The following SLC24A3 variants were observed in gnomAD, a reference collection of about 807,000 sequenced individuals.
The protein encoded by SLC24A3 is sodium/potassium/calcium exchanger 3.
A neutral mutation model predicts 75.8 loss-of-function variants in SLC24A3; 28 were observed. The observed-to-expected ratio is 0.37, with a 90% CI of 0.27 to 0.51. The LOEUF is 0.51. Among genes scored for constraint, SLC24A3 ranks in the 20% least tolerant of loss-of-function variants. The pLI is 0.94. For missense variants in SLC24A3, 663 were observed against 847.8 expected (o/e 0.78, Z 2.71); for synonymous variants, 372 against 334.1 (o/e 1.11, Z -1.24).
intron 2 of SLC24A3, among the ~76,000 whole-genome samples, chr20:19,322,028 C>T (rs1275841358): frequency 6.6e-6 from 1 of 152,130 alleles, no homozygotes; most frequent in African/African-American, 2.4e-5. Context: ...TCTTTGACAT[C>T]AGGGGTGCGG....
At chr20:19,693,214 T>G (rs967398632) in intron 12 of SLC24A3, 45 bp from the exon 13 acceptor site, 2 of 1,563,630 alleles carry the variant, frequency 1.3e-6, no homozygotes, top group African/African-American at 3.0e-5. Context: ...TGGGGTTCTT[T>G]GTTATTTTTT....
At chr20:19,392,235 G>T (rs1226826387) in intron 2 of SLC24A3, among the ~76,000 whole-genome samples, 2 of 152,162 alleles carry the variant, frequency 1.3e-5, no homozygotes, top group East Asian at 1.9e-4. Flanking sequence ...ACATCTGAAG[G>T]TCCCTTGTAT....
chr20:19,703,287 T>A (rs775700103), intron 15 of SLC24A3, among the ~76,000 whole-genome samples: 2 of 152,172 alleles, frequency 1.3e-5, no homozygotes, highest in African/African-American at 2.4e-5. Context: ...ATAATCTCTT[T>A]CCACATCCCT....
intron 7 of SLC24A3, among the ~76,000 whole-genome samples, chr20:19,657,891 C>G (rs2032283400): frequency 6.6e-6 from 1 of 152,192 alleles, no homozygotes; most frequent in African/African-American, 2.4e-5. Flanking sequence ...CTATAGGACT[C>G]TGCAATGAGC....
At chr20:19,410,468 C>T (rs916869010) in intron 2 of SLC24A3, among the ~76,000 whole-genome samples, 2 of 152,126 alleles carry the variant, frequency 1.3e-5, no homozygotes, top group Non-Finnish European at 2.9e-5. Flanking sequence ...GGCTATCTCA[C>T]CACAAGGAAG....
chr20:19,430,689 T>G (rs1309198775), intron 2 of SLC24A3, among the ~76,000 whole-genome samples: 2 of 152,052 alleles, frequency 1.3e-5, no homozygotes, highest in Non-Finnish European at 2.9e-5. Flanking sequence ...TACACATTTG[T>G]ATATGTGCAC....
At chr20:19,574,498 G>A (rs1224261346) in intron 3 of SLC24A3, among the ~76,000 whole-genome samples, 2 of 152,172 alleles carry the variant, frequency 1.3e-5, no homozygotes, top group East Asian at 1.9e-4. Flanking sequence ...ACTGGGCTGG[G>A]CCTGTCTCAG....
chr20:19,403,412 TG>T (rs1986586429), intron 2 of SLC24A3, among the ~76,000 whole-genome samples: 1 of 152,188 alleles, frequency 6.6e-6, no homozygotes, highest in African/African-American at 2.4e-5. Context: ...AAATAGTTAT[TG>T]AGTAATACAT....
intron 2 of SLC24A3, among the ~76,000 whole-genome samples, chr20:19,343,086 A>AAAAAAG (rs1442369599): frequency 7.5e-6 from 1 of 133,424 alleles, no homozygotes; most frequent in Non-Finnish European, 1.5e-5. Context: ...AAAAAAAAAG[A>AAAAAAG]AAAAAGAAAA....
chr20:19,517,166 T>G (rs1226840905), intron 3 of SLC24A3, among the ~76,000 whole-genome samples: 1 of 152,184 alleles, frequency 6.6e-6, no homozygotes, highest in Non-Finnish European at 1.5e-5. Context: ...GGATGGCACC[T>G]TCGGCACCAA....
chr20:19,461,529 C>CTTTTTTTTTTTTTTTTT (rs11468628), intron 2 of SLC24A3, among the ~76,000 whole-genome samples: 10 of 101,412 alleles, frequency 9.9e-5, no homozygotes, highest in Non-Finnish European at 1.4e-4. Flanking sequence ...TCTTTTTTTT[C>CTTTTTTTTTTTTTTTTT]TTTTTTTTTT....
chr20:19,270,178 C>A (rs1983283934), intron 1 of SLC24A3, among the ~76,000 whole-genome samples: 1 of 152,152 alleles, frequency 6.6e-6, no homozygotes, highest in Non-Finnish European at 1.5e-5. Context: ...GACTCAGATC[C>A]TTTCATGTGT....
At chr20:19,531,018 G>A (rs1263792460) in intron 3 of SLC24A3, among the ~76,000 whole-genome samples, 1 of 152,160 alleles carries the variant, frequency 6.6e-6, no homozygotes, top group Non-Finnish European at 1.5e-5. Flanking sequence ...TTAAAGGTAA[G>A]GGCAAGACGC....
chr20:19,600,755 C>T (rs551494247), intron 6 of SLC24A3, among the ~76,000 whole-genome samples: 2 of 152,296 alleles, frequency 1.3e-5, no homozygotes, highest in South Asian at 2.1e-4. Context: ...AACTCCTGGG[C>T]TCCAGTGATC....
intron 3 of SLC24A3, among the ~76,000 whole-genome samples, chr20:19,556,754 A>G (rs1378857222): frequency 6.6e-6 from 1 of 152,176 alleles, no homozygotes; most frequent in East Asian, 1.9e-4. Context: ...TAATGCACAG[A>G]CAGGACTGTG....
chr20:19,633,948 C>T (rs2031968985), intron 6 of SLC24A3, among the ~76,000 whole-genome samples: 1 of 152,120 alleles, frequency 6.6e-6, no homozygotes, highest in Admixed American at 6.5e-5. Flanking sequence ...GCTGCTGTTA[C>T]TGTTTGTAAA....
intron 2 of SLC24A3, among the ~76,000 whole-genome samples, chr20:19,469,773 C>G (rs754992940): frequency 1.9e-4 from 29 of 152,286 alleles, no homozygotes; most frequent in Non-Finnish European, 3.7e-4. Flanking sequence ...CCTGAGGTCT[C>G]TATCCATTAA....
chr20:19,627,736 G>A (rs1237003180), intron 6 of SLC24A3, among the ~76,000 whole-genome samples: 1 of 152,192 alleles, frequency 6.6e-6, no homozygotes, highest in Non-Finnish European at 1.5e-5. Context: ...CCCTTGAGAA[G>A]AATGTTCTGT....
At chr20:19,613,790 C>T (rs772308127) in intron 6 of SLC24A3, among the ~76,000 whole-genome samples, 10 of 152,180 alleles carry the variant, frequency 6.6e-5, no homozygotes, top group Non-Finnish European at 1.5e-4. Flanking sequence ...CATGAAAAAC[C>T]TTTTCACCCA....
Sources: allele counts gnomAD v4.1 joint callset (sites outside exome capture counted in the v4.1 genomes callset), GRCh38; gene constraint gnomAD v4.1.1; transcripts MANE v1.5; gene names NCBI Gene and HGNC (gene_info 2026-07-23, HGNC 2026-07-21).